CAMKMT: variants seen among roughly 807,000 people sequenced by gnomAD.
CAMKMT encodes calmodulin-lysine N-methyltransferase, also known as CaM KMT.
CAMKMT carries 53 observed loss-of-function variants against 48.0 expected under a neutral mutation model. The observed-to-expected ratio is 1.10, with a 90% confidence interval of 0.89 to 1.39. The LOEUF (loss-of-function observed/expected upper bound fraction) is 1.39, where lower values mean the gene tolerates loss of function less well. CAMKMT is among the 40% of genes most tolerant of loss of function. CAMKMT has a pLI of 0.00. For synonymous variants in CAMKMT, 165 were observed against 152.3 expected, an observed-to-expected ratio of 1.08 and a Z score of -0.61; for missense variants, 428 against 402.7, an observed-to-expected ratio of 1.06 and a Z score of -0.54.
intron 3 of CAMKMT, among the ~76,000 whole-genome samples, chr2:44,441,756 G>A (rs62137474): frequency 4.6e-5 from 7 of 152,134 alleles, no homozygotes; most frequent in Admixed American, 1.3e-4. Context: ...TGTAGAAGGT[G>A]ATTTGGAGCC....
chr2:44,391,428 A>T (rs1374830445), intron 3 of CAMKMT, among the ~76,000 whole-genome samples: 3 of 151,774 alleles, frequency 2.0e-5, no homozygotes, highest in African/African-American at 7.3e-5. Context: ...TAGTTTTTCC[A>T]TGTTGGCATT....
chr2:44,487,648 T>C (rs890632973), intron 3 of CAMKMT, among the ~76,000 whole-genome samples: 1 of 152,222 alleles, frequency 6.6e-6, no homozygotes, highest in African/African-American at 2.4e-5. Context: ...GTACTGGTCA[T>C]TGTGTGAAGG....
chr2:44,459,336 T>G (rs1348680345), intron 3 of CAMKMT, among the ~76,000 whole-genome samples: 2 of 152,208 alleles, frequency 1.3e-5, no homozygotes, highest in African/African-American at 4.8e-5. Flanking sequence ...ATTACAGGGT[T>G]TATACACACA....
intron 3 of CAMKMT, among the ~76,000 whole-genome samples, chr2:44,398,251 G>A (rs1354162341): frequency 6.6e-6 from 1 of 152,158 alleles, no homozygotes; most frequent in Non-Finnish European, 1.5e-5. Flanking sequence ...ATTTCTTAAA[G>A]GCTACATTTC....
intron 3 of CAMKMT, among the ~76,000 whole-genome samples, chr2:44,437,586 G>A (rs1666342047): frequency 6.6e-6 from 1 of 152,084 alleles, no homozygotes; most frequent in Non-Finnish European, 1.5e-5. Context: ...AGTGGCTCAC[G>A]CCTGTAATCC....
intron 3 of CAMKMT, among the ~76,000 whole-genome samples, chr2:44,476,922 C>T (rs1478786281): frequency 6.6e-6 from 1 of 152,010 alleles, no homozygotes; most frequent in Non-Finnish European, 1.5e-5. Context: ...TGCTATATCC[C>T]AGCTATTATT....
intron 3 of CAMKMT, among the ~76,000 whole-genome samples, chr2:44,425,655 A>C (rs1376923628): frequency 1.3e-5 from 2 of 152,192 alleles, no homozygotes; most frequent in Non-Finnish European, 2.9e-5. Context: ...TGTTAAATCA[A>C]AAGCCGTATG....
At chr2:44,481,521 A>G (rs1030588662) in intron 3 of CAMKMT, among the ~76,000 whole-genome samples, 3 of 152,148 alleles carry the variant, frequency 2.0e-5, no homozygotes, top group African/African-American at 4.8e-5. Context: ...ATTCTCTTTC[A>G]GAAGCTTATG....
At chr2:44,460,432 G>A (rs1373331085) in intron 3 of CAMKMT, among the ~76,000 whole-genome samples, 1 of 152,146 alleles carries the variant, frequency 6.6e-6, no homozygotes. Flanking sequence ...TCTTTTTAGT[G>A]ATTGATTATT....
chr2:44,365,441 A>T (rs1558538481), intron 1 of CAMKMT, among the ~76,000 whole-genome samples: 1 of 152,202 alleles, frequency 6.6e-6, no homozygotes, highest in Admixed American at 6.5e-5. Flanking sequence ...GGTCTGGAAG[A>T]TGATGAATCA....
At chr2:44,481,684 C>T (rs919630948) in intron 3 of CAMKMT, among the ~76,000 whole-genome samples, 2 of 151,934 alleles carry the variant, frequency 1.3e-5, no homozygotes, top group Non-Finnish European at 2.9e-5. Context: ...ACAAAACATT[C>T]CCTAATGATA....
intron 3 of CAMKMT, among the ~76,000 whole-genome samples, chr2:44,526,590 G>T (rs1413032840): frequency 1.3e-5 from 2 of 152,176 alleles, no homozygotes; most frequent in Non-Finnish European, 2.9e-5. Flanking sequence ...AGTCCTGTTT[G>T]AGGGCAAGAG....
At chr2:44,379,989 T>C (rs1680079428) in intron 2 of CAMKMT, among the ~76,000 whole-genome samples, 1 of 152,180 alleles carries the variant, frequency 6.6e-6, no homozygotes, top group African/African-American at 2.4e-5. Flanking sequence ...TTTGATGAGG[T>C]GTAACATGTC....
chr2:44,756,943 T>A (rs1478033670), intron 9 of CAMKMT, among the ~76,000 whole-genome samples: 1 of 151,904 alleles, frequency 6.6e-6, no homozygotes, highest in Non-Finnish European at 1.5e-5. Context: ...GTGTAGTGGG[T>A]GGAAAGAGTC....
At chr2:44,375,786 GT>G (rs887046343) in intron 2 of CAMKMT, among the ~76,000 whole-genome samples, 1 of 148,418 alleles carries the variant, frequency 6.7e-6, no homozygotes, top group South Asian at 2.1e-4. Context: ...CAGGTTCTTG[GT>G]TTTTTTTTTC....
Position 44,425,095 on chromosome 2 carries a change from A to G in CAMKMT, c.376+34790A>G, listed in dbSNP as rs115239866. 5.9e-3 allele frequency among the ~76,000 whole-genome samples: 906 copies of G among 152,344 alleles called. 11 individuals carry two copies. Among genetic ancestry groups the G allele is most frequent in the African/African-American group, 0.02 (852 of 41,578 alleles). ...TTGTGACTCAAAGTTAAAGAATAAA[A>G]TGTTGCATATTTTCAAATTGCATGG... is the stretch of plus-strand genomic sequence containing the variant. On this transcript the variant is annotated intron_variant, in intron 3 of 10. Coordinates refer to ENST00000378494, the MANE Select transcript of CAMKMT (RefSeq NM_024766.5).
intron 7 of CAMKMT, among the ~76,000 whole-genome samples, chr2:44,742,141 G>C (rs1165972871): frequency 6.6e-6 from 1 of 152,172 alleles, no homozygotes; most frequent in Non-Finnish European, 1.5e-5. Flanking sequence ...CACTGAGCCT[G>C]AGTCCCAGAT....
chr2:44,663,074 C>G (rs1674763419), intron 3 of CAMKMT, among the ~76,000 whole-genome samples: 1 of 151,824 alleles, frequency 6.6e-6, no homozygotes, highest in South Asian at 2.1e-4. Flanking sequence ...TTATTTTTAC[C>G]AAGAATAAGA....
intron 3 of CAMKMT, among the ~76,000 whole-genome samples, chr2:44,469,892 A>AT (rs553799738): frequency 4.8e-5 from 7 of 147,116 alleles, no homozygotes; most frequent in East Asian, 4.0e-4. Context: ...TTCATTTCTA[A>AT]TTTTTTTTTG....
Sources: allele counts gnomAD v4.1 joint callset (sites outside exome capture counted in the v4.1 genomes callset), GRCh38; gene constraint gnomAD v4.1.1; transcripts MANE v1.5; gene names NCBI Gene and HGNC (gene_info 2026-07-23, HGNC 2026-07-21).